Variants in DPP10 observed in about 807,000 individuals in gnomAD.
The protein encoded by DPP10 is inactive dipeptidyl peptidase 10.
Under a neutral mutation model 120.9 loss-of-function variants are expected in DPP10, and 33 were observed. The observed-to-expected ratio is 0.27, with a 90% confidence interval of 0.21 to 0.37. The LOEUF (loss-of-function observed/expected upper bound fraction) is 0.37, where lower values mean the gene tolerates loss of function less well. Ranked by LOEUF, DPP10 falls within the 10% of genes least tolerant of loss-of-function variation. The pLI is 1.00. For missense variants in DPP10, 816 were observed against 942.8 expected, an observed-to-expected ratio of 0.87 and a Z score of 1.76; for synonymous variants, 337 against 326.1, an observed-to-expected ratio of 1.03 and a Z score of -0.36.
chr2:114,598,993 GATC>G (rs1692149857), intron 1 of DPP10, among the ~76,000 whole-genome samples: 1 of 151,822 alleles, frequency 6.6e-6, no homozygotes, highest in Admixed American at 6.6e-5. Context: ...GAATAAATGA[GATC>G]ATAAGTCAAT....
At chr2:114,470,847 T>A (rs190558987) in intron 1 of DPP10, among the ~76,000 whole-genome samples, 1 of 152,238 alleles carries the variant, frequency 6.6e-6, no homozygotes. Flanking sequence ...ACTGCCTTGT[T>A]TGCTAATTGC....
intron 1 of DPP10, among the ~76,000 whole-genome samples, chr2:114,690,245 G>A (rs903146757): frequency 6.6e-6 from 1 of 151,938 alleles, no homozygotes; most frequent in Non-Finnish European, 1.5e-5. Flanking sequence ...TGTATGTCTT[G>A]AGTTAATTTT....
chr2:115,494,273 C>A (rs562180715), intron 3 of DPP10, among the ~76,000 whole-genome samples: 1 of 151,906 alleles, frequency 6.6e-6, no homozygotes, highest in East Asian at 1.9e-4. Context: ...TTTTTTGAAG[C>A]AGAAATAAAA....
At chr2:115,446,348 C>T (rs2072586265) in intron 3 of DPP10, among the ~76,000 whole-genome samples, 1 of 152,136 alleles carries the variant, frequency 6.6e-6, no homozygotes, top group African/African-American at 2.4e-5. Flanking sequence ...ACACAGAGTC[C>T]CCACTGGGGC....
intron 8 of DPP10, among the ~76,000 whole-genome samples, chr2:115,728,680 G>A (rs77663035): frequency 0.02 from 3,024 of 152,104 alleles, 94 homozygotes; most frequent in African/African-American, 0.068. Context: ...TATTTCATGG[G>A]CAATATTTGC....
intron 1 of DPP10, among the ~76,000 whole-genome samples, chr2:114,452,073 C>T (rs2104539467): frequency 6.6e-6 from 1 of 152,178 alleles, no homozygotes; most frequent in South Asian, 2.1e-4. Flanking sequence ...TCTTTTTTGA[C>T]TAATGCCAAT....
At chr2:114,579,692 C>T (rs1217747246) in intron 1 of DPP10, among the ~76,000 whole-genome samples, 1 of 152,140 alleles carries the variant, frequency 6.6e-6, no homozygotes, top group Non-Finnish European at 1.5e-5. Context: ...TTATAAATCT[C>T]GTCGGAGAGA....
chr2:114,490,644 G>C (rs1268543026), intron 1 of DPP10, among the ~76,000 whole-genome samples: 1 of 152,120 alleles, frequency 6.6e-6, no homozygotes, highest in African/African-American at 2.4e-5. Context: ...AGAAGCAAAG[G>C]GGGAGAAGAG....
rs1185742570 is a variant in DPP10 at position 115,097,917 on chromosome 2, G to A, written c.61-211322G>A. On this transcript the variant is annotated intron_variant, in intron 1 of 25. Transcript: ENST00000410059. ...GAAATTAGATTTTGGGACAGAAATG[G>A]GTATGTAGGAAGCTTACTGGAAATT... Among the ~76,000 whole-genome samples the A allele has an allele frequency of 3.9e-5, 6 of 152,216 alleles. No homozygotes were observed. The South Asian group carries it at 1.2e-3, about 32-fold the overall frequency.
chr2:115,752,666 A>G (rs1487346731), intron 10 of DPP10, among the ~76,000 whole-genome samples: 1 of 152,210 alleles, frequency 6.6e-6, no homozygotes. Flanking sequence ...GAAATAACAC[A>G]GAGGTTATGT....
intron 3 of DPP10, among the ~76,000 whole-genome samples, chr2:115,419,611 C>T (rs1392292545): frequency 6.6e-6 from 1 of 152,058 alleles, no homozygotes; most frequent in Non-Finnish European, 1.5e-5. Context: ...TTGGAGGGGA[C>T]AAAATATCCA....
At chr2:115,106,350 T>C (rs2048943100) in intron 1 of DPP10, among the ~76,000 whole-genome samples, 1 of 152,218 alleles carries the variant, frequency 6.6e-6, no homozygotes, top group African/African-American at 2.4e-5. Context: ...ATGCAAGGAC[T>C]CTCACCCCAA....
chr2:114,451,344 C>A (rs2104537019), intron 1 of DPP10, among the ~76,000 whole-genome samples: 1 of 152,098 alleles, frequency 6.6e-6, no homozygotes, highest in South Asian at 2.1e-4. Flanking sequence ...AAAGAGAATT[C>A]AAATGTTTGG....
intron 1 of DPP10, among the ~76,000 whole-genome samples, chr2:115,004,696 C>G (rs534483458): frequency 1.3e-5 from 2 of 152,314 alleles, no homozygotes; most frequent in Admixed American, 1.3e-4. Flanking sequence ...GATTATATCC[C>G]GCACCTGGCT....
chr2:115,393,949 G>C (rs2067492227), intron 3 of DPP10, among the ~76,000 whole-genome samples: 1 of 152,164 alleles, frequency 6.6e-6, no homozygotes, highest in Non-Finnish European at 1.5e-5. Context: ...GAACTTTGTA[G>C]TTAGTTGAAT....
chr2:115,452,346 A>C (rs2073174055), intron 3 of DPP10, among the ~76,000 whole-genome samples: 1 of 151,876 alleles, frequency 6.6e-6, no homozygotes, highest in African/African-American at 2.4e-5. Flanking sequence ...CTAGGCCTTC[A>C]GTTTAAACAA....
At chr2:115,175,403 G>A (rs77985378) in intron 1 of DPP10, among the ~76,000 whole-genome samples, 2,737 of 152,278 alleles carry the variant, frequency 0.018, 34 homozygotes, top group Non-Finnish European at 0.029. Context: ...GAATTTAAGA[G>A]GGGTGGGGGA....
chr2:114,870,980 T>C (rs1319169740), intron 1 of DPP10, among the ~76,000 whole-genome samples: 1 of 74,614 alleles, frequency 1.3e-5, no homozygotes, highest in African/African-American at 3.1e-5. Flanking sequence ...TACCCTCTTT[T>C]TCTTTTCTTT....
At chr2:114,538,375 C>G (rs1024454392) in intron 1 of DPP10, among the ~76,000 whole-genome samples, 1 of 152,134 alleles carries the variant, frequency 6.6e-6, no homozygotes, top group Non-Finnish European at 1.5e-5. Context: ...TTTTGGAGAT[C>G]TAGTGCAAAC....
Sources: allele counts gnomAD v4.1 joint callset (sites outside exome capture counted in the v4.1 genomes callset), GRCh38; gene constraint gnomAD v4.1.1; transcripts MANE v1.5; gene names NCBI Gene and HGNC (gene_info 2026-07-23, HGNC 2026-07-21).